RWDD4: variants seen among roughly 807,000 people sequenced by gnomAD.
The protein encoded by RWDD4 is RWD domain containing 4, also known as RWD domain-containing protein 4.
Under a neutral mutation model 30.0 loss-of-function variants are expected in RWDD4, and 16 were observed. That is an observed-to-expected ratio of 0.53 (90% CI 0.36 to 0.81). The LOEUF is 0.81. Ranked by LOEUF, RWDD4 falls within the 30% of genes least tolerant of loss-of-function variation. The pLI, the probability that RWDD4 is intolerant of heterozygous loss-of-function variation, is 0.00. For missense variants in RWDD4, 170 were observed against 223.9 expected (o/e 0.76, Z 1.54); for synonymous variants, 45 against 72.1 (o/e 0.62, Z 1.90).
At chr4:183,648,299 A>G (rs1241450613) in intron 5 of RWDD4, among the ~76,000 whole-genome samples, 1 of 152,068 alleles carries the variant, frequency 6.6e-6, no homozygotes, top group Non-Finnish European at 1.5e-5. Context: ...GTTCTTCTCA[A>G]TAAAGAGAAA....
chr4:183,646,204 T>TA, intron 7 of RWDD4, 147 bp downstream of exon 7: 1 of 616,862 alleles, frequency 1.6e-6, no homozygotes, highest in East Asian at 2.7e-5. Context: ...GTCCCCTAAG[T>TA]ATCTGCATTC....
chr4:183,653,044 C>T (rs907848945), intron 2 of RWDD4, among the ~76,000 whole-genome samples: 1 of 152,048 alleles, frequency 6.6e-6, no homozygotes, highest in Non-Finnish European at 1.5e-5. Context: ...GCCTTTTAAG[C>T]CAAAAAGAAT....
chr4:183,646,344 T>A lies in RWDD4; in HGVS notation c.534+7A>T. 3.0e-6 allele frequency: 3 copies of A among 1,002,448 alleles called. No individual in the cohort carries two copies. In the South Asian group the frequency reaches 3.9e-5, roughly 13 times the overall value. The allele number at this position is 1,002,448 out of a possible 1,614,324, so 62.1% of individuals were successfully genotyped here. A position where few individuals can be genotyped will look rare whatever the true frequency, so the allele number is the denominator to read the frequency against. ...AAGAATGTAAAAGGTATTTCAAAAA[T>A]ACTTACATGCTGAATGTAAAAAAGG... On this transcript the variant is annotated splice_region_variant and intron_variant, in intron 7 of 7. Transcript: ENST00000326397.
chr4:183,658,991 C>G lies in RWDD4; in HGVS notation c.-39G>C. ...GGGCGCCTCCTGAGCGGACGGCGTT[C>G]GCAACAACGAAGAGAAAGCGAAGGC... On this transcript the variant is annotated 5_prime_UTR_variant, in exon 1 of 8. Coordinates refer to ENST00000326397, the MANE Select transcript of RWDD4 (RefSeq NM_152682.4). 1 of 1,260,548 alleles carries G rather than the reference C, an allele frequency of 7.9e-7. No homozygotes were observed. The highest frequency in any genetic ancestry group is 1.0e-6 in the Non-Finnish European group (1 of 1,002,848). 78.1% of individuals were successfully genotyped at this position (1,260,548 alleles called of 1,614,324 possible).
At chr4:183,658,052 C>T (rs1382931352) in intron 1 of RWDD4, among the ~76,000 whole-genome samples, 4 of 152,190 alleles carry the variant, frequency 2.6e-5, no homozygotes, top group African/African-American at 9.7e-5. Flanking sequence ...TAGAAATTCA[C>T]CCGGCAAGAA....
chr4:183,651,996 TC>T (rs550474778), intron 2 of RWDD4, among the ~76,000 whole-genome samples: 30 of 152,290 alleles, frequency 2.0e-4, no homozygotes, highest in South Asian at 6.2e-4. Context: ...ACTTTATCTT[TC>T]CCCCTCTCCA....
intron 5 of RWDD4, 46 bp downstream of exon 5, chr4:183,649,405 A>T (rs1554003570): frequency 7.9e-7 from 1 of 1,266,578 alleles, no homozygotes; most frequent in Non-Finnish European, 1.1e-6. Flanking sequence ...CAAGAGTGAG[A>T]CTCTGTCAAA....
chr4:183,657,120 A>G (rs1734209899), intron 1 of RWDD4, among the ~76,000 whole-genome samples: 1 of 152,258 alleles, frequency 6.6e-6, no homozygotes, highest in African/African-American at 2.4e-5. Context: ...CCTAGTAAGT[A>G]TATGAAAAAC....
intron 2 of RWDD4, among the ~76,000 whole-genome samples, chr4:183,652,652 A>G (rs1016180724): frequency 2.0e-5 from 3 of 152,098 alleles, no homozygotes; most frequent in Non-Finnish European, 4.4e-5. Context: ...TCTGCTAAAA[A>G]TACAAAAATT....
chr4:183,649,710 T>G (rs938149164), intron 4 of RWDD4, 142 bp from the exon 5 acceptor site: 1 of 489,110 alleles, frequency 2.0e-6, no homozygotes, highest in Non-Finnish European at 3.6e-6. Context: ...ATTTTTAAAA[T>G]CAAGTGCCCT....
chr4:183,651,163 A>G (rs1375315914), intron 3 of RWDD4, 32 bp from the exon 4 acceptor site: 7 of 1,612,154 alleles, frequency 4.3e-6, no homozygotes, highest in Non-Finnish European at 5.1e-6. Flanking sequence ...CCTTGCTGAG[A>G]GAAAAGTATA....
At chr4:183,644,943 T>TA (rs1487812592) in intron 7 of RWDD4, among the ~76,000 whole-genome samples, 2 of 151,638 alleles carry the variant, frequency 1.3e-5, no homozygotes, top group African/African-American at 2.4e-5. Flanking sequence ...CTAGTAAAAA[T>TA]AAAAAAATTA....
intron 1 of RWDD4, among the ~76,000 whole-genome samples, chr4:183,656,393 C>A (rs1734195038): frequency 1.3e-5 from 2 of 152,162 alleles, no homozygotes; most frequent in South Asian, 4.1e-4. Context: ...ACATACATTT[C>A]TTTTATATGT....
In RWDD4 at chr4:183,641,344, A is replaced by T. The variant is rs1733852327; in HGVS notation, c.*92T>A. 1 of 1,039,230 alleles carries T rather than the reference A, an allele frequency of 9.6e-7. No homozygotes were observed. The allele number at this position is 1,039,230 out of a possible 1,614,324, so 64.4% of individuals were successfully genotyped here. On this transcript the variant is annotated 3_prime_UTR_variant, in exon 8 of 8. Coordinates refer to ENST00000326397, the MANE Select transcript of RWDD4 (RefSeq NM_152682.4). Reference sequence around the variant, plus strand: ...ATACAAAAAATTGTGTTTTATAAAAAGTCGCCTCAATACCAGAAAATAGTA... The same window carrying T: ...ATACAAAAAATTGTGTTTTATAAAATGTCGCCTCAATACCAGAAAATAGTA...
At position 183,646,493 on chromosome 4, in the gene RWDD4, C is replaced by A. The variant is rs373870583; in HGVS notation, c.526G>T (p.Val176Leu). The A allele has an allele frequency of 1.2e-6, 2 of 1,612,222 alleles. No individual in the cohort carries two copies. Among genetic ancestry groups the A allele is most frequent in the Non-Finnish European group, 1.7e-6 (2 of 1,179,520 alleles). Residue 176 changes from valine to leucine, a missense_variant, in exon 6 of 8, where the codon GTG becomes TTG. Coordinates refer to ENST00000326397, the MANE Select transcript of RWDD4 (RefSeq NM_152682.4). ...AGAATATAAATGTTATATACCTTCACAACATCAACCCAGTTCCAGCCTCGA... is the reference window on the plus strand; with the variant it reads ...AGAATATAAATGTTATATACCTTCAAAACATCAACCCAGTTCCAGCCTCGA... ...LPRGWNWVDV[V>L]KHLSKTGSKD...
At chr4:183,656,109 G>A in intron 1 of RWDD4, 148 bp from the exon 2 acceptor site, 1 of 580,016 alleles carries the variant, frequency 1.7e-6, no homozygotes, top group South Asian at 2.2e-5. Flanking sequence ...GGTGCATGCA[G>A]CAACACATGA....
Position 183,659,115 on chromosome 4 carries a change from G to C in RWDD4, c.-163C>G, listed in dbSNP as rs1185092403. 4 of 496,448 alleles carry C rather than the reference G, an allele frequency of 8.1e-6. No homozygotes were observed. Among genetic ancestry groups the C allele is most frequent in the Non-Finnish European group, 1.3e-5 (4 of 317,260 alleles). The allele number at this position is 496,448 out of a possible 1,614,324, so 30.8% of individuals were successfully genotyped here. A position where few individuals can be genotyped will look rare whatever the true frequency, so the allele number is the denominator to read the frequency against. On this transcript the variant is annotated 5_prime_UTR_variant, in exon 1 of 8. Coordinates refer to ENST00000326397, the MANE Select transcript of RWDD4 (RefSeq NM_152682.4). ...GCCAACTGCGCGCGCCCCGAGCCTC[G>C]GCAGCGCCCAGCCGCCGGCAGTGGG... is the stretch of plus-strand genomic sequence containing the variant.
Position 183,651,312 on chromosome 4 carries a change from C to G in RWDD4, c.121G>C (p.Asp41His), listed in dbSNP as rs1230069185. The change falls in exon 3 of 8, where the codon GAT becomes CAT. Residue 41 changes from aspartate (D) to histidine (H), a missense_variant. Asp to His is a moderately conservative substitution (Grantham distance 81). Coordinates refer to ENST00000326397, the MANE Select transcript of RWDD4 (RefSeq NM_152682.4). Reference sequence around the variant, plus strand: ...ATCTCTATTAAGAAGGCTTTGGGATCACCATTTTCACCTATCTGAAGAGAA... The same window carrying G: ...ATCTCTATTAAGAAGGCTTTGGGATGACCATTTTCACCTATCTGAAGAGAA... ...SFQYRIGENGDPKAFLIEISW... is the reference protein window; with the variant it reads ...SFQYRIGENGHPKAFLIEISW... 1 of 1,610,512 alleles carries G rather than the reference C, an allele frequency of 6.2e-7. No individual in the cohort carries two copies. The highest frequency in any genetic ancestry group is 8.5e-7 in the Non-Finnish European group (1 of 1,178,606).
intron 2 of RWDD4, among the ~76,000 whole-genome samples, chr4:183,654,172 A>G (rs1734137921): frequency 6.6e-6 from 1 of 152,208 alleles, no homozygotes; most frequent in African/African-American, 2.4e-5. Flanking sequence ...ATGTGAGTGG[A>G]GGGGAAAGTT....
Sources: allele counts gnomAD v4.1 joint callset (sites outside exome capture counted in the v4.1 genomes callset), GRCh38; gene constraint gnomAD v4.1.1; transcripts MANE v1.5; gene names NCBI Gene and HGNC (gene_info 2026-07-23, HGNC 2026-07-21).